RNF111: variants seen among roughly 807,000 people sequenced by gnomAD.
RNF111 encodes E3 ubiquitin-protein ligase Arkadia.
RNF111 carries 17 observed loss-of-function variants against 95.1 expected under a neutral mutation model. The ratio of observed to expected loss-of-function variants is 0.18; its 90% CI spans 0.12 to 0.27. The LOEUF (loss-of-function observed/expected upper bound fraction) is 0.27, where lower values mean the gene tolerates loss of function less well. RNF111 is among the 10% of genes least tolerant of loss of function. The probability of loss-of-function intolerance (pLI) is 1.00; values close to 1 mark genes in which losing one functional copy is unlikely to be tolerated. For missense variants in RNF111, 1,189 were observed against 1,210.4 expected (o/e 0.98, Z 0.26); for synonymous variants, 440 against 414.8 (o/e 1.06, Z -0.74).
At chr15:59,064,379 C>CA (rs1293976953) in intron 5 of RNF111, among the ~76,000 whole-genome samples, 3 of 151,466 alleles carry the variant, frequency 2.0e-5, no homozygotes, top group Non-Finnish European at 2.9e-5. Flanking sequence ...ACTAAAAATA[C>CA]AAAAAAATTA....
intron 1 of RNF111, among the ~76,000 whole-genome samples, chr15:58,995,689 C>G (rs1029965225): frequency 6.6e-6 from 1 of 151,320 alleles, no homozygotes; most frequent in Non-Finnish European, 1.5e-5. Context: ...AACTCCTGAC[C>G]TTGTGACCTC....
chr15:59,011,818 G>T (rs1328741013), intron 1 of RNF111, among the ~76,000 whole-genome samples: 2 of 151,892 alleles, frequency 1.3e-5, no homozygotes, highest in African/African-American at 4.8e-5. Context: ...GGACTTCAAC[G>T]TATGAATTTT....
intron 2 of RNF111, among the ~76,000 whole-genome samples, chr15:59,045,436 G>T (rs763497185): frequency 6.6e-6 from 1 of 152,006 alleles, no homozygotes; most frequent in Non-Finnish European, 1.5e-5. Flanking sequence ...TGATCTGCCC[G>T]TCTTAGCCTC....
chr15:59,050,887 A>G lies in RNF111; in HGVS notation c.881-1418A>G, dbSNP rs557219662. Reference sequence around the variant, plus strand: ...AATTTCCAGTATGTATTTCTTTTGCATAACTGAAAATTAGAGGAGGTATCA... The same window carrying G: ...AATTTCCAGTATGTATTTCTTTTGCGTAACTGAAAATTAGAGGAGGTATCA... On this transcript the variant is annotated intron_variant, in intron 2 of 13. Coordinates refer to ENST00000348370, the MANE Select transcript of RNF111 (RefSeq NM_017610.8). Among the ~76,000 whole-genome samples, 3 of 152,346 alleles carry G rather than the reference A, an allele frequency of 2.0e-5. No individual in the cohort carries two copies. The South Asian group carries it at 6.2e-4, about 32-fold the overall frequency.
intron 1 of RNF111, among the ~76,000 whole-genome samples, chr15:59,020,128 C>T (rs2040264015): frequency 6.8e-6 from 1 of 147,744 alleles, no homozygotes; most frequent in African/African-American, 2.5e-5. Context: ...ATATAAAATA[C>T]ATATTTTATA....
chr15:59,000,283 C>T (rs2039267875), intron 1 of RNF111, among the ~76,000 whole-genome samples: 1 of 151,636 alleles, frequency 6.6e-6, no homozygotes, highest in African/African-American at 2.4e-5. Context: ...CCCACTTCAG[C>T]CTCCCAAGTA....
chr15:59,060,599 C>T (rs978980636), intron 5 of RNF111, among the ~76,000 whole-genome samples: 3 of 152,140 alleles, frequency 2.0e-5, no homozygotes, highest in Non-Finnish European at 4.4e-5. Context: ...GGCACCACTA[C>T]ACTCCAGCCC....
At chr15:59,064,273 C>T (rs528130116) in intron 5 of RNF111, among the ~76,000 whole-genome samples, 11 of 152,232 alleles carry the variant, frequency 7.2e-5, no homozygotes, top group African/African-American at 2.2e-4. Flanking sequence ...TGGTGCCTCA[C>T]GCCTGTAATC....
chr15:59,018,997 C>T (rs972303779), intron 1 of RNF111, among the ~76,000 whole-genome samples: 4 of 152,164 alleles, frequency 2.6e-5, no homozygotes, highest in Admixed American at 2.0e-4. Context: ...GACCTCAGCT[C>T]ACTGCAGCCT....
At chr15:59,072,014 G>A (rs1433311267) in intron 6 of RNF111, among the ~76,000 whole-genome samples, 1 of 152,074 alleles carries the variant, frequency 6.6e-6, no homozygotes, top group African/African-American at 2.4e-5. Context: ...AAATACTTCA[G>A]TTTAAAAATA....
intron 2 of RNF111, 53 bp downstream of exon 2, chr15:59,031,755 C>G: frequency 6.6e-7 from 1 of 1,504,732 alleles, no homozygotes; most frequent in South Asian, 1.2e-5. Context: ...TGCATTTGTG[C>G]TTAATTTTTT....
At chr15:59,024,920 A>G (rs2040525293) in intron 1 of RNF111, among the ~76,000 whole-genome samples, 1 of 152,216 alleles carries the variant, frequency 6.6e-6, no homozygotes, top group Non-Finnish European at 1.5e-5. Context: ...GTGGAATCAT[A>G]CAATATTTGT....
intron 1 of RNF111, among the ~76,000 whole-genome samples, chr15:59,011,538 G>T (rs2039814548): frequency 6.6e-6 from 1 of 152,204 alleles, no homozygotes; most frequent in Non-Finnish European, 1.5e-5. Flanking sequence ...GTTCTGTAGA[G>T]TGTAAGTCCA....
chr15:59,085,548 TG>T, intron 9 of RNF111, 110 bp from the exon 10 acceptor site: 2 of 907,542 alleles, frequency 2.2e-6, no homozygotes, highest in Non-Finnish European at 3.1e-6. Flanking sequence ...TCCTCAGCTT[TG>T]TAAGTTAAGA....
intron 2 of RNF111, among the ~76,000 whole-genome samples, chr15:59,044,290 C>A (rs1317407275): frequency 1.3e-5 from 2 of 152,150 alleles, no homozygotes; most frequent in East Asian, 3.8e-4. Context: ...CTTGGCCTCC[C>A]AAAGTGCTGG....
intron 2 of RNF111, among the ~76,000 whole-genome samples, chr15:59,041,437 C>T (rs1454750353): frequency 6.6e-6 from 1 of 152,020 alleles, no homozygotes; most frequent in Admixed American, 6.5e-5. Context: ...CCTGTAATCC[C>T]AGCTACTCAA....
At chr15:58,991,955 G>A (rs1176037828) in intron 1 of RNF111, among the ~76,000 whole-genome samples, 1 of 152,164 alleles carries the variant, frequency 6.6e-6, no homozygotes, top group African/African-American at 2.4e-5. Flanking sequence ...GATGATAATG[G>A]CATTATGTTT....
At chr15:59,071,109 A>G (rs1202015217) in intron 6 of RNF111, among the ~76,000 whole-genome samples, 1 of 151,876 alleles carries the variant, frequency 6.6e-6, no homozygotes, top group Non-Finnish European at 1.5e-5. Flanking sequence ...CATCCTGGCT[A>G]ACATGGTGAA....
At chr15:59,093,337 C>CA (rs1746558891) in intron 13 of RNF111, 7 of 272,888 alleles carry the variant, frequency 2.6e-5, no homozygotes, top group Non-Finnish European at 4.6e-5. Context: ...TTTACAGCAT[C>CA]TTTTTTTTTT....
Sources: allele counts gnomAD v4.1 joint callset (sites outside exome capture counted in the v4.1 genomes callset), GRCh38; gene constraint gnomAD v4.1.1; transcripts MANE v1.5; gene names NCBI Gene and HGNC (gene_info 2026-07-23, HGNC 2026-07-21).